The following TANC2 variants were observed in gnomAD, a reference collection of about 807,000 sequenced individuals.
The protein encoded by TANC2 is tetratricopeptide repeat, ankyrin repeat and coiled-coil containing 2, also known as protein TANC2.
In TANC2, 26 loss-of-function variants were observed where a neutral mutation model predicts 210.5. The observed-to-expected ratio is 0.12, with a 90% CI of 0.09 to 0.17. The LOEUF (loss-of-function observed/expected upper bound fraction) is 0.17, where lower values mean the gene tolerates loss of function less well. Among genes scored for constraint, TANC2 ranks in the 10% least tolerant of loss-of-function variants. The probability of loss-of-function intolerance (pLI) is 1.00; values close to 1 mark genes in which losing one functional copy is unlikely to be tolerated. For synonymous variants in TANC2, 931 were observed against 967.1 expected (o/e 0.96, Z 0.69); for missense variants, 2,129 against 2,608.9 (o/e 0.82, Z 4.01).
chr17:62,983,083 A>G (rs1447320678), intron 1 of TANC2, among the ~76,000 whole-genome samples: 2 of 152,284 alleles, frequency 1.3e-5, no homozygotes, highest in South Asian at 2.1e-4. Context: ...TTCCATTAGC[A>G]TAAGACATTT....
At chr17:63,157,964 A>G (rs770515216) in intron 5 of TANC2, among the ~76,000 whole-genome samples, 1 of 152,208 alleles carries the variant, frequency 6.6e-6, no homozygotes, top group Non-Finnish European at 1.5e-5. Context: ...AGGATATTGT[A>G]GGTAAAGTTA....
chr17:63,384,940 G>T (rs115976615), intron 15 of TANC2, among the ~76,000 whole-genome samples: 2 of 152,194 alleles, frequency 1.3e-5, no homozygotes, highest in East Asian at 3.8e-4. Context: ...CCTGAATCAG[G>T]TGCCAATTAC....
chr17:63,254,410 T>C (rs1004884826), intron 8 of TANC2, among the ~76,000 whole-genome samples: 1 of 152,216 alleles, frequency 6.6e-6, no homozygotes, highest in Non-Finnish European at 1.5e-5. Context: ...TAAGATCATA[T>C]CATCTGCAAA....
chr17:63,413,044 G>T, intron 24 of TANC2: 1 of 310,886 alleles, frequency 3.2e-6, no homozygotes. Flanking sequence ...AGTGAATCCC[G>T]GGGAGTCCTA....
At chr17:63,205,268 C>CA (rs765794462) in intron 7 of TANC2, among the ~76,000 whole-genome samples, 173 of 98,828 alleles carry the variant, frequency 1.8e-3, no homozygotes, top group South Asian at 3.4e-3. Context: ...CTACCATATA[C>CA]AAAAATTAAA....
chr17:63,174,667 A>G (rs76648909), intron 5 of TANC2, among the ~76,000 whole-genome samples: 1 of 151,936 alleles, frequency 6.6e-6, no homozygotes, highest in Non-Finnish European at 1.5e-5. Context: ...CTACTTTTAC[A>G]TTACATAAAT....
chr17:63,119,487 A>G (rs2038378681), intron 4 of TANC2, among the ~76,000 whole-genome samples: 1 of 152,252 alleles, frequency 6.6e-6, no homozygotes, highest in Non-Finnish European at 1.5e-5. Context: ...ATTAACAGTT[A>G]TATATGTCAT....
chr17:63,188,465 C>T (rs1396001517), intron 5 of TANC2, among the ~76,000 whole-genome samples: 5 of 151,544 alleles, frequency 3.3e-5, no homozygotes, highest in African/African-American at 1.2e-4. Flanking sequence ...TGGTGGTGGG[C>T]GCCTGTAGTC....
intron 14 of TANC2, among the ~76,000 whole-genome samples, chr17:63,366,046 G>A (rs1031878913): frequency 1.2e-4 from 18 of 151,998 alleles, no homozygotes; most frequent in African/African-American, 4.1e-4. Context: ...AACACAGTAA[G>A]CGCACGGTAA....
At chr17:63,210,472 A>G (rs1282232675) in intron 7 of TANC2, among the ~76,000 whole-genome samples, 2 of 152,200 alleles carry the variant, frequency 1.3e-5, no homozygotes, top group African/African-American at 4.8e-5. Flanking sequence ...TAACCAGTAT[A>G]GTTACTTATA....
intron 15 of TANC2, among the ~76,000 whole-genome samples, chr17:63,385,823 A>G (rs764521174): frequency 6.6e-6 from 1 of 152,188 alleles, no homozygotes; most frequent in Non-Finnish European, 1.5e-5. Flanking sequence ...TGAAAAGGGA[A>G]ATAATCTTGT....
chr17:63,112,310 G>A (rs1322764923), intron 4 of TANC2, among the ~76,000 whole-genome samples: 1 of 152,154 alleles, frequency 6.6e-6, no homozygotes, highest in Admixed American at 6.5e-5. Context: ...ATCAGCAGTA[G>A]GGTAATTGTT....
At chr17:63,407,432 C>T (rs1352850764) in intron 21 of TANC2, among the ~76,000 whole-genome samples, 1 of 152,210 alleles carries the variant, frequency 6.6e-6, no homozygotes, top group Non-Finnish European at 1.5e-5. Flanking sequence ...GAGGCAGGAA[C>T]TCTTGAGCCA....
intron 4 of TANC2, among the ~76,000 whole-genome samples, chr17:63,124,646 C>T (rs1282921045): frequency 2.0e-5 from 3 of 152,304 alleles, no homozygotes; most frequent in African/African-American, 7.2e-5. Flanking sequence ...TATATAGTCA[C>T]ATGTAGCAGG....
intron 9 of TANC2, among the ~76,000 whole-genome samples, chr17:63,269,500 A>G (rs2043632414): frequency 6.6e-6 from 1 of 152,144 alleles, no homozygotes; most frequent in African/African-American, 2.4e-5. Flanking sequence ...AATCTGCCAC[A>G]TTGGCATCAT....
chr17:63,220,354 A>G (rs1023136130), intron 7 of TANC2, among the ~76,000 whole-genome samples: 3 of 151,932 alleles, frequency 2.0e-5, no homozygotes, highest in South Asian at 4.2e-4. Flanking sequence ...CATTTTTGAC[A>G]AAGGAATCAA....
chr17:63,352,512 G>T (rs530318102), intron 13 of TANC2, among the ~76,000 whole-genome samples: 1 of 152,178 alleles, frequency 6.6e-6, no homozygotes, highest in Admixed American at 6.5e-5. Context: ...TAGCTTGATT[G>T]TTAAAAATGA....
intron 14 of TANC2, among the ~76,000 whole-genome samples, chr17:63,359,363 T>C (rs9902068): frequency 0.41 from 62,098 of 149,716 alleles, 16,691 homozygotes; most frequent in African/African-American, 0.77. Flanking sequence ...TTTTTTTTTT[T>C]CGAGACAGAG....
chr17:63,150,499 T>C (rs2039610570), intron 4 of TANC2: 1 of 152,224 alleles, frequency 6.6e-6, no homozygotes, highest in African/African-American at 2.4e-5. Flanking sequence ...AGTTATACTT[T>C]ATTCCTTACA....
Sources: allele counts gnomAD v4.1 joint callset (sites outside exome capture counted in the v4.1 genomes callset), GRCh38; gene constraint gnomAD v4.1.1; transcripts MANE v1.5; gene names NCBI Gene and HGNC (gene_info 2026-07-23, HGNC 2026-07-21).